Variants in FBXO10 observed in about 807,000 individuals in gnomAD.
FBXO10 encodes the protein F-box protein 10, also known as F-box only protein 10.
Under a neutral mutation model 80.7 loss-of-function variants are expected in FBXO10, and 39 were observed. The ratio of observed to expected loss-of-function variants is 0.48; its 90% CI spans 0.37 to 0.63. The LOEUF is 0.63. Among genes scored for constraint, FBXO10 ranks in the 30% least tolerant of loss-of-function variants. FBXO10 has a pLI of 0.00. For missense variants in FBXO10, 1,025 were observed against 1,269.0 expected, an observed-to-expected ratio of 0.81 and a Z score of 2.92; for synonymous variants, 449 against 489.6, an observed-to-expected ratio of 0.92 and a Z score of 1.09.
At chr9:37,567,956 T>C (rs1822650049) in intron 1 of FBXO10, among the ~76,000 whole-genome samples, 1 of 152,056 alleles carries the variant, frequency 6.6e-6, no homozygotes, top group South Asian at 2.1e-4. Context: ...GATGGATACT[T>C]GACCCAAAGA....
intron 1 of FBXO10, among the ~76,000 whole-genome samples, chr9:37,543,926 T>C (rs140823996): frequency 0.026 from 3,992 of 152,182 alleles, 71 homozygotes; most frequent in Middle Eastern, 0.071. Context: ...GGTCAGGAGT[T>C]CCAGACCAGC....
chr9:37,554,725 G>A (rs1822294467), intron 1 of FBXO10, among the ~76,000 whole-genome samples: 1 of 152,064 alleles, frequency 6.6e-6, no homozygotes, highest in African/African-American at 2.4e-5. Context: ...CTTTCATTCA[G>A]CATAATATTT....
In FBXO10 at chr9:37,541,208, G is replaced by C. The variant is rs1363527760; in HGVS notation, c.561C>G (p.Ala187=). 2.5e-6 allele frequency: 4 copies of C among 1,608,092 alleles called. No homozygotes were observed. In the African/African-American group the frequency reaches 4.0e-5, roughly 16 times the overall value. Residue 187 remains alanine (A), a synonymous_variant, in exon 2 of 11, where the codon GCC becomes GCG. Coordinates refer to ENST00000432825, the MANE Select transcript of FBXO10 (RefSeq NM_012166.3). ...TRLCNLVFTP[A]WFSPIMYKTT... ...CCTTATACATGATGGGTGAGAACCA[G>C]GCTGGCGTGAAGACGAGGTTGCACA...
intron 2 of FBXO10, among the ~76,000 whole-genome samples, chr9:37,540,175 A>T (rs1478329621): frequency 1.3e-5 from 2 of 151,896 alleles, no homozygotes; most frequent in Non-Finnish European, 2.9e-5. Context: ...TATACTTTTA[A>T]AAATCATATA....
At chr9:37,533,901 CAACA>C (rs2119103203) in intron 3 of FBXO10, among the ~76,000 whole-genome samples, 1 of 151,372 alleles carries the variant, frequency 6.6e-6, no homozygotes, top group African/African-American at 2.4e-5. Context: ...AAAACACAAC[CAACA>C]AACAAAAAAA....
In FBXO10 at chr9:37,525,201, GGT is replaced by G. The variant is rs756605169; in HGVS notation, c.1707-31_1707-30del. The stretch of plus-strand genomic sequence containing the variant: ...AAGTGGAAGGAAAACAAAACAAAGA[GGT>G]GAGCCCAGGGCATCAATGTCATGCT... On this transcript the variant is annotated intron_variant, in intron 5 of 10. Transcript: ENST00000432825. The G allele has an allele frequency of 1.2e-4, 181 of 1,546,782 alleles. No homozygotes were observed. In the African/African-American group the frequency reaches 2.1e-3, roughly 18 times the overall value.
At chr9:37,574,764 G>GAT (rs1048724933) in intron 1 of FBXO10, among the ~76,000 whole-genome samples, 4 of 152,172 alleles carry the variant, frequency 2.6e-5, no homozygotes, top group Non-Finnish European at 4.4e-5. Flanking sequence ...CAGGGAGATG[G>GAT]ATATATATAT....
At chr9:37,549,271 C>T (rs372096737) in intron 1 of FBXO10, among the ~76,000 whole-genome samples, 1 of 152,158 alleles carries the variant, frequency 6.6e-6, no homozygotes, top group African/African-American at 2.4e-5. Flanking sequence ...AAGTGCCTCC[C>T]CTGGGCTCCC....
intron 3 of FBXO10, among the ~76,000 whole-genome samples, chr9:37,536,759 A>C (rs1219325874): frequency 6.6e-6 from 1 of 152,084 alleles, no homozygotes; most frequent in Non-Finnish European, 1.5e-5. Flanking sequence ...TAGTAATCAT[A>C]TCTCCCTGAA....
At chr9:37,554,382 C>T (rs1050610086) in intron 1 of FBXO10, among the ~76,000 whole-genome samples, 1 of 152,154 alleles carries the variant, frequency 6.6e-6, no homozygotes, top group Non-Finnish European at 1.5e-5. Context: ...GGAGGCTCAT[C>T]CTACTTGTGG....
Position 37,564,012 on chromosome 9 carries a change from A to G in FBXO10, c.-7+12199T>C, listed in dbSNP as rs1197288149. Among the ~76,000 whole-genome samples, 3 of 147,956 alleles carry G rather than the reference A, an allele frequency of 2.0e-5. No homozygotes were observed. The East Asian group carries it at 5.8e-4, about 28-fold the overall frequency. ...ATCACAGGCCCAAGGCCTAGGAGGG[A>G]AAAATGGTTCCATGGGCCTGGGCCA... On this transcript the variant is annotated intron_variant, in intron 1 of 10. Coordinates refer to ENST00000432825, the MANE Select transcript of FBXO10 (RefSeq NM_012166.3).
chr9:37,517,446 T>C (rs534602121), intron 9 of FBXO10, among the ~76,000 whole-genome samples: 1 of 134,956 alleles, frequency 7.4e-6, no homozygotes, highest in East Asian at 2.0e-4. Context: ...AACGGAGCTC[T>C]GCATAGAAAG....
intron 8 of FBXO10, among the ~76,000 whole-genome samples, chr9:37,520,558 C>G (rs980021380): frequency 3.6e-5 from 3 of 84,452 alleles, no homozygotes; most frequent in African/African-American, 1.3e-4. Flanking sequence ...GAAACCAAGT[C>G]TTGTTATGTT....
At chr9:37,564,021 TCCATGGGCCTGGGCCAGGCACAGGGA>T (rs905534795) in intron 1 of FBXO10, among the ~76,000 whole-genome samples, 2 of 152,178 alleles carry the variant, frequency 1.3e-5, no homozygotes, top group African/African-American at 4.8e-5. Flanking sequence ...GAAAAATGGT[TCCATGGGCCTGGGCCAGGCACAGGGA>T]CCCTCTGCTC....
intron 1 of FBXO10, among the ~76,000 whole-genome samples, chr9:37,557,549 AT>A (rs1277109435): frequency 1.3e-5 from 2 of 152,172 alleles, no homozygotes; most frequent in African/African-American, 4.8e-5. Flanking sequence ...TAATTTTAAA[AT>A]GTTATTTTGC....
chr9:37,523,572 C>T (rs1289134152), intron 6 of FBXO10, among the ~76,000 whole-genome samples: 1 of 151,988 alleles, frequency 6.6e-6, no homozygotes, highest in African/African-American at 2.4e-5. Context: ...AATAAACTAG[C>T]TTTGGTGAGT....
Position 37,537,120 on chromosome 9 carries a change from T to A in FBXO10, c.1409A>T (p.His470Leu), listed in dbSNP as rs1172648290. The change falls in exon 3 of 11, where the codon CAT (histidine) becomes CTT (leucine). Residue 470 changes from histidine to leucine, a missense_variant. Physicochemically the swap from His to Leu is moderately conservative, Grantham distance 99. Around this residue, in one of 3 missense-constraint regions of FBXO10, gnomAD observed 478 missense variants for 667.8 expected, o/e 0.72. Coordinates refer to ENST00000432825, the MANE Select transcript of FBXO10 (RefSeq NM_012166.3). The stretch of plus-strand genomic sequence containing the variant: ...AAGTCATGACAGCACCTTGCTATTA[T>A]GTATACACCGCACTGCGTAAGTCAG... ...RNLTYAVRCI[H>L]NSKIIMLRND... 2 of 1,607,548 alleles carry A rather than the reference T, an allele frequency of 1.2e-6. No homozygotes were observed. The highest frequency in any genetic ancestry group is 1.3e-5 in the African/African-American group (1 of 74,862).
intron 5 of FBXO10, among the ~76,000 whole-genome samples, chr9:37,527,393 C>T (rs1231858971): frequency 1.3e-5 from 2 of 152,322 alleles, no homozygotes; most frequent in South Asian, 2.1e-4. Flanking sequence ...CCTCTGCCGT[C>T]CAGCAACAAC....
rs1466827456 is a variant in FBXO10 at position 37,537,357 on chromosome 9, C to G, written c.1172G>C (p.Gly391Ala). 6.3e-7 allele frequency: 1 copy of G among 1,599,922 alleles called. No homozygotes were observed. The highest frequency in any genetic ancestry group is 2.3e-5 in the East Asian group (1 of 44,258). Reference sequence around the variant, plus strand: ...AATGGATGCTCCTGGTAGAGGTGGGCCCAGAAATGAGCCCCCCAATACAGG... The same window carrying G: ...AATGGATGCTCCTGGTAGAGGTGGGGCCAGAAATGAGCCCCCCAATACAGG... The part of the protein sequence containing the change: ...PRPVLGGSFL[G>A]PPLPGASIQL... The change falls in exon 3 of 11, where the codon GGC becomes GCC. Residue 391 changes from glycine to alanine, a missense_variant. Gly to Ala is a moderately conservative substitution (Grantham distance 60). Coordinates refer to ENST00000432825, the MANE Select transcript of FBXO10 (RefSeq NM_012166.3).
Sources: gnomAD v4.1 joint callset for allele counts (sites outside exome capture counted in the v4.1 genomes callset) on GRCh38, gnomAD v4.1.1 for gene constraint, gnomAD v4.1.1 regional missense constraint, MANE v1.5 for transcripts, NCBI Gene and HGNC (gene_info 2026-07-23, HGNC 2026-07-21) for gene names.